AGTPBP1: variants seen among roughly 807,000 people sequenced by gnomAD.
AGTPBP1 encodes cytosolic carboxypeptidase 1.
In AGTPBP1, 70 loss-of-function variants were observed where a neutral mutation model predicts 143.9. The ratio of observed to expected loss-of-function variants is 0.49; its 90% CI spans 0.40 to 0.59. The LOEUF (loss-of-function observed/expected upper bound fraction) is 0.59, where lower values mean the gene tolerates loss of function less well. Ranked by LOEUF, AGTPBP1 falls within the 20% of genes least tolerant of loss-of-function variation. The pLI is 0.00. For missense variants in AGTPBP1, 1,229 were observed against 1,464.5 expected (o/e 0.84, Z 2.62); for synonymous variants, 463 against 500.2 (o/e 0.93, Z 0.99).
intron 25 of AGTPBP1, among the ~76,000 whole-genome samples, chr9:85,558,681 T>C (rs1392618679): frequency 2.0e-5 from 3 of 152,180 alleles, no homozygotes; most frequent in African/African-American, 4.8e-5. Flanking sequence ...TACAACGACA[T>C]GATCTCGGCT....
chr9:85,758,061 T>C, the AGTPBP1 span, among the ~76,000 whole-genome samples: 1 of 152,156 alleles, frequency 6.6e-6, no homozygotes, highest in African/African-American at 2.4e-5. Context: ...ATGAAAACTC[T>C]TAAATTTGGA....
At chr9:85,757,514 G>T in the AGTPBP1 span, among the ~76,000 whole-genome samples, 3 of 152,074 alleles carry the variant, frequency 2.0e-5, no homozygotes, top group African/African-American at 7.2e-5. Flanking sequence ...AAGATGGAAA[G>T]CAAATAGATG....
At chr9:85,722,357 C>A (rs1004294639) in intron 1 of AGTPBP1, among the ~76,000 whole-genome samples, 1 of 152,166 alleles carries the variant, frequency 6.6e-6, no homozygotes, top group Non-Finnish European at 1.5e-5. Context: ...TTCTTGGAGG[C>A]TTTCTTCGTT....
chr9:85,588,457 A>G lies in AGTPBP1; in HGVS notation c.2744T>C (p.Leu915Ser). Reference sequence around the variant, plus strand: ...TTCTCCAGGATGTACCCGAGCAGACAAGAAAACGTAAGGGCGATTTCCTAA... The same window carrying G: ...TTCTCCAGGATGTACCCGAGCAGACGAGAAAACGTAAGGGCGATTTCCTAA... The part of the protein sequence containing the change: ...CHFRNRPYVF[L>S]SARVHPGETN... The change falls in exon 21 of 26, where the codon TTG (leucine) becomes TCG (serine). Residue 915 changes from leucine to serine, a missense_variant. By Grantham distance (145) the Leu-to-Ser change is moderately radical (BLOSUM62 -2). Around this residue, in one of 2 missense-constraint regions of AGTPBP1, gnomAD observed 486 missense variants for 652.3 expected, o/e 0.75. Coordinates refer to ENST00000357081, the MANE Select transcript of AGTPBP1 (RefSeq NM_001330701.2). 1 of 1,611,626 alleles carries G rather than the reference A, an allele frequency of 6.2e-7. No individual in the cohort carries two copies. The highest frequency in any genetic ancestry group is 8.5e-7 in the Non-Finnish European group (1 of 1,179,090).
In AGTPBP1 at chr9:85,633,319, C is replaced by G; in HGVS notation, c.1358G>C (p.Arg453Pro). The G allele has an allele frequency of 6.2e-7, 1 of 1,600,636 alleles. No individual in the cohort carries two copies. The change falls in exon 14 of 26, where the codon CGT becomes CCT. Residue 453 changes from arginine to proline, a missense_variant. Transcript: ENST00000357081. Reference sequence around the variant, plus strand: ...TGCCGTAGGAACAACAATAGGACCACGTACTTTTCCCTCAAATACAAAAGG... The same window carrying G: ...TGCCGTAGGAACAACAATAGGACCAGGTACTTTTCCCTCAAATACAAAAGG... ...PKPFVFEGKV[R>P]GPIVVPTAGE...
chr9:85,789,757 T>C, the AGTPBP1 span, among the ~76,000 whole-genome samples: 1 of 152,202 alleles, frequency 6.6e-6, no homozygotes, highest in Non-Finnish European at 1.5e-5. Flanking sequence ...CCTTGTTCAG[T>C]CTAGGCCAGT....
At chr9:85,552,173 C>A (rs1826073368) in intron 25 of AGTPBP1, among the ~76,000 whole-genome samples, 1 of 152,168 alleles carries the variant, frequency 6.6e-6, no homozygotes, top group Admixed American at 6.5e-5. Context: ...AACATCAAAA[C>A]TTTCACCCAA....
At chr9:85,684,327 G>A (rs1296045304) in intron 3 of AGTPBP1, among the ~76,000 whole-genome samples, 4 of 152,072 alleles carry the variant, frequency 2.6e-5, no homozygotes, top group African/African-American at 7.2e-5. Context: ...CATTCCTTCC[G>A]CCAGTAAATG....
chr9:85,624,882 CG>C (rs1831173477), intron 14 of AGTPBP1, among the ~76,000 whole-genome samples: 2 of 152,192 alleles, frequency 1.3e-5, no homozygotes, highest in Admixed American at 1.3e-4. Context: ...CCTTCTGATA[CG>C]AAGTCTAAAA....
At chr9:85,799,292 CGT>C in the AGTPBP1 span, among the ~76,000 whole-genome samples, 1 of 152,044 alleles carries the variant, frequency 6.6e-6, no homozygotes. Flanking sequence ...AATAAACATA[CGT>C]GTGTGTATGT....
At chr9:85,585,645 T>C (rs1828556593) in intron 22 of AGTPBP1, 51 bp from the exon 23 acceptor site, 1 of 1,436,560 alleles carries the variant, frequency 7.0e-7, no homozygotes, top group Non-Finnish European at 9.2e-7. Flanking sequence ...CATATGTTGC[T>C]AAGTAAAGGT....
At chr9:85,719,204 A>G (rs572773518) in intron 1 of AGTPBP1, among the ~76,000 whole-genome samples, 2 of 152,286 alleles carry the variant, frequency 1.3e-5, no homozygotes, top group African/African-American at 4.8e-5. Flanking sequence ...TCTGTGAAGA[A>G]AGTCATCGGT....
intron 4 of AGTPBP1, among the ~76,000 whole-genome samples, chr9:85,680,806 T>C (rs1036029145): frequency 4.6e-5 from 7 of 152,316 alleles, no homozygotes; most frequent in African/African-American, 1.7e-4. Context: ...AACTTTACAC[T>C]GGCGTAGAAA....
chr9:85,548,100 T>G (rs982965176), intron 25 of AGTPBP1, among the ~76,000 whole-genome samples: 4 of 152,222 alleles, frequency 2.6e-5, no homozygotes, highest in African/African-American at 9.6e-5. Context: ...TAATTTCATA[T>G]AGATGTATGT....
At position 85,600,066 on chromosome 9, in the gene AGTPBP1, A is replaced by G. The variant is rs928020607; in HGVS notation, c.2336-3617T>C. 3.9e-5 allele frequency among the ~76,000 whole-genome samples: 6 copies of G among 152,200 alleles called. No homozygotes were observed. In the South Asian group the frequency reaches 6.2e-4, roughly 16 times the overall value. ...GTGGATGGAAAATATCACATGTGTT[A>G]GCACTTGAACAAGGCCTGGCATACG... is the stretch of plus-strand genomic sequence containing the variant. On this transcript the variant is annotated intron_variant, in intron 17 of 25. Transcript: ENST00000357081.
At chr9:85,688,341 T>A (rs1468451746) in intron 3 of AGTPBP1, among the ~76,000 whole-genome samples, 3 of 152,124 alleles carry the variant, frequency 2.0e-5, no homozygotes, top group Admixed American at 1.3e-4. Context: ...GGTGGGCTGA[T>A]CTATATATTA....
intron 10 of AGTPBP1, 99 bp downstream of exon 10, chr9:85,657,336 T>C: frequency 1.9e-6 from 2 of 1,035,452 alleles, no homozygotes; most frequent in Non-Finnish European, 2.8e-6. Context: ...ATTTATCCTG[T>C]GTATACGTTT....
the AGTPBP1 span, among the ~76,000 whole-genome samples, chr9:85,792,534 C>A: frequency 6.6e-6 from 1 of 152,202 alleles, no homozygotes; most frequent in Admixed American, 6.5e-5. Flanking sequence ...CCAGGTGTCA[C>A]CAGCTGTTAG....
the AGTPBP1 span, among the ~76,000 whole-genome samples, chr9:85,802,072 C>T: frequency 6.6e-6 from 1 of 152,152 alleles, no homozygotes; most frequent in Non-Finnish European, 1.5e-5. Context: ...TATCCATTCT[C>T]ATATGCATTC....
Sources: gnomAD v4.1 joint callset for allele counts (sites outside exome capture counted in the v4.1 genomes callset) on GRCh38, gnomAD v4.1.1 for gene constraint, gnomAD v4.1.1 regional missense constraint, MANE v1.5 for transcripts, NCBI Gene and HGNC (gene_info 2026-07-23, HGNC 2026-07-21) for gene names.